SV2C: variants seen among roughly 807,000 people sequenced by gnomAD.
SV2C encodes solute carrier family 22 member B3.
A neutral mutation model predicts 79.7 loss-of-function variants in SV2C; 49 were observed. The ratio of observed to expected loss-of-function variants is 0.61; its 90% CI spans 0.49 to 0.78. SV2C has a LOEUF of 0.78. Ranked by LOEUF, SV2C falls within the 30% of genes least tolerant of loss-of-function variation. SV2C has a pLI of 0.00. For synonymous variants in SV2C, 334 were observed against 333.2 expected, an observed-to-expected ratio of 1.00 and a Z score of -0.03; for missense variants, 833 against 912.9, an observed-to-expected ratio of 0.91 and a Z score of 1.13.
chr5:75,866,295 T>C, the SV2C span, among the ~76,000 whole-genome samples: 2 of 152,216 alleles, frequency 1.3e-5, no homozygotes, highest in Non-Finnish European at 2.9e-5. Flanking sequence ...TTTATTATTC[T>C]TAAAAATTAA....
the SV2C span, among the ~76,000 whole-genome samples, chr5:75,948,924 T>C: frequency 1.5e-4 from 23 of 151,946 alleles, no homozygotes; most frequent in African/African-American, 5.6e-4. Context: ...TGATGACTGA[T>C]AGAGCTTGGA....
intron 2 of SV2C, among the ~76,000 whole-genome samples, chr5:76,169,778 C>G (rs563203748): frequency 6.6e-6 from 1 of 152,218 alleles, no homozygotes; most frequent in African/African-American, 2.4e-5. Context: ...AGGCAGCCCT[C>G]GAGGAATTAG....
chr5:76,032,774 G>T, the SV2C span, among the ~76,000 whole-genome samples: 31,981 of 152,100 alleles, frequency 0.21, 3,712 homozygotes, highest in East Asian at 0.49. Context: ...GTAATGGGAT[G>T]GCTGGGTCAA....
rs1156422626 is a variant in SV2C at position 76,325,684 on chromosome 5, A to G, written c.*137A>G. 3.3e-6 allele frequency: 4 copies of G among 1,228,944 alleles called. No homozygotes were observed. Among genetic ancestry groups the G allele is most frequent in the Non-Finnish European group, 4.4e-6 (4 of 903,558 alleles). 76.1% of individuals were successfully genotyped at this position (1,228,944 alleles called of 1,614,324 possible). ...ACATAAACACGTGCTGTGACTTAAA[A>G]TTTAGAAGCATATCATCTTGCCCCT... On this transcript the variant is annotated 3_prime_UTR_variant, in exon 13 of 13. Transcript: ENST00000502798.
At chr5:75,953,335 T>A in the SV2C span, among the ~76,000 whole-genome samples, 52 of 152,080 alleles carry the variant, frequency 3.4e-4, no homozygotes, top group African/African-American at 1.3e-3. Flanking sequence ...GAGGGTCACA[T>A]TTTGACATGA....
chr5:76,254,238 GTGTATA>G (rs942713172), intron 4 of SV2C, among the ~76,000 whole-genome samples: 4 of 113,350 alleles, frequency 3.5e-5, no homozygotes, highest in East Asian at 2.4e-4. Flanking sequence ...ATATGTGTGT[GTGTATA>G]TATATATATA....
chr5:76,247,419 T>C (rs1004584586), intron 4 of SV2C, among the ~76,000 whole-genome samples: 3 of 152,244 alleles, frequency 2.0e-5, no homozygotes, highest in African/African-American at 4.8e-5. Context: ...AAACCAACTT[T>C]CCCTTTCCAT....
At chr5:76,002,162 T>TTG in the SV2C span, among the ~76,000 whole-genome samples, 2 of 70,758 alleles carry the variant, frequency 2.8e-5, no homozygotes, top group Admixed American at 1.5e-4. Context: ...GTATTCCATT[T>TTG]TGTGTGTGTA....
intron 2 of SV2C, among the ~76,000 whole-genome samples, chr5:76,146,794 TTTTAAAAA>T (rs1403877043): frequency 3.9e-4 from 32 of 81,224 alleles, no homozygotes; most frequent in African/African-American, 1.3e-3. Flanking sequence ...ATGAGTTTTT[TTTTAAAAA>T]AAAAAAAAAA....
intron 2 of SV2C, chr5:76,173,592 T>G (rs759832763): frequency 1.3e-6 from 2 of 1,588,948 alleles, no homozygotes; most frequent in Non-Finnish European, 1.7e-6. Flanking sequence ...GCAACAGTTC[T>G]TCAGACCTGG....
chr5:76,141,366 TC>T, intron 2 of SV2C, among the ~76,000 whole-genome samples: 1 of 152,254 alleles, frequency 6.6e-6, no homozygotes, highest in South Asian at 2.1e-4. Context: ...TATCCCTATA[TC>T]CTAGAACACT....
chr5:75,934,302 C>CTTTTTTTTTTTTTTTTTTTTTTTT, the SV2C span, among the ~76,000 whole-genome samples: 48 of 107,818 alleles, frequency 4.5e-4, 2 homozygotes, highest in African/African-American at 5.5e-4. Context: ...TTCTTTCTTT[C>CTTTTTTTTTTTTTTTTTTTTTTTT]TTTTTTTTTT....
At chr5:76,294,767 C>T (rs1747687402) in intron 8 of SV2C, among the ~76,000 whole-genome samples, 1 of 152,116 alleles carries the variant, frequency 6.6e-6, no homozygotes, top group Non-Finnish European at 1.5e-5. Context: ...CTGAACAGTA[C>T]AGCAGCATGA....
At chr5:76,034,146 G>C in the SV2C span, among the ~76,000 whole-genome samples, 1 of 151,396 alleles carries the variant, frequency 6.6e-6, no homozygotes, top group South Asian at 2.1e-4. Flanking sequence ...AGGAGATTTT[G>C]GGCTGAGACA....
At chr5:76,187,081 T>C (rs1350960400) in intron 2 of SV2C, among the ~76,000 whole-genome samples, 14 of 152,174 alleles carry the variant, frequency 9.2e-5, no homozygotes, top group Admixed American at 9.2e-4. Flanking sequence ...ATATGCGATG[T>C]CCATGGTACA....
At chr5:76,280,087 G>A (rs907226535) in intron 4 of SV2C, among the ~76,000 whole-genome samples, 1 of 152,154 alleles carries the variant, frequency 6.6e-6, no homozygotes, top group African/African-American at 2.4e-5. Flanking sequence ...AGGAAGTAAG[G>A]TCAAGTGCCA....
chr5:76,146,446 C>A (rs888083000), intron 2 of SV2C, among the ~76,000 whole-genome samples: 1 of 152,140 alleles, frequency 6.6e-6, no homozygotes, highest in African/African-American at 2.4e-5. Flanking sequence ...GGGAAACTTC[C>A]TGACATTGCC....
At chr5:76,182,703 T>C (rs1743774497) in intron 2 of SV2C, among the ~76,000 whole-genome samples, 1 of 152,180 alleles carries the variant, frequency 6.6e-6, no homozygotes, top group Non-Finnish European at 1.5e-5. Context: ...CTAGTCCTGG[T>C]GGCCTTTCTC....
At chr5:75,892,803 T>G in the SV2C span, among the ~76,000 whole-genome samples, 1 of 152,050 alleles carries the variant, frequency 6.6e-6, no homozygotes, top group Non-Finnish European at 1.5e-5. Context: ...ATGTATCAAG[T>G]GTTCTTTATC....
Sources: allele counts gnomAD v4.1 joint callset (sites outside exome capture counted in the v4.1 genomes callset), GRCh38; gene constraint gnomAD v4.1.1; transcripts MANE v1.5; gene names NCBI Gene and HGNC (gene_info 2026-07-23, HGNC 2026-07-21).